The following NIBAN2 variants were observed in gnomAD, a reference collection of about 807,000 sequenced individuals.
NIBAN2 encodes the protein niban apoptosis regulator 2.
Under a neutral mutation model 81.8 loss-of-function variants are expected in NIBAN2, and 36 were observed. The observed-to-expected ratio is 0.44, with a 90% CI of 0.34 to 0.58. The LOEUF (loss-of-function observed/expected upper bound fraction) is 0.58, where lower values mean the gene tolerates loss of function less well. NIBAN2 is among the 20% of genes least tolerant of loss of function. NIBAN2 has a pLI of 0.02. For synonymous variants in NIBAN2, 445 were observed against 441.6 expected (o/e 1.01, Z -0.10); for missense variants, 897 against 1,014.1 (o/e 0.88, Z 1.57).
chr9:127,507,309 A>G lies in NIBAN2; in HGVS notation c.1777T>C (p.Tyr593His), dbSNP rs1415591703. Residue 593 changes from tyrosine (Y) to histidine (H), a missense_variant, in exon 14 of 14, where the codon TAC becomes CAC. Transcript: ENST00000373312. The surrounding 1 kb of genome is among the most constrained non-coding windows in gnomAD (Gnocchi z 6.8). ...EGAPIDWGEE[Y>H]SNSGGGGSPS... The stretch of plus-strand genomic sequence containing the variant: ...CTGCCGCCCCCGCCGCTGTTGCTGT[A>G]CTCCTCGCCCCAGTCGATGGGGGCG... 1 of 1,583,776 alleles carries G rather than the reference A, an allele frequency of 6.3e-7. No homozygotes were observed. The highest frequency in any genetic ancestry group is 1.7e-5 in the Admixed American group (1 of 57,430).
chr9:127,560,664 C>T (rs936770959), intron 1 of NIBAN2, among the ~76,000 whole-genome samples: 3 of 152,172 alleles, frequency 2.0e-5, no homozygotes, highest in Non-Finnish European at 4.4e-5. Context: ...AGGCAGACAC[C>T]ATGTGATTGT....
chr9:127,540,847 A>G (rs1328410251), intron 1 of NIBAN2, among the ~76,000 whole-genome samples: 1 of 152,222 alleles, frequency 6.6e-6, no homozygotes, highest in Non-Finnish European at 1.5e-5. Context: ...CGGTCTCTCC[A>G]GTGGGCTCCA....
Position 127,507,513 on chromosome 9 carries a change from C to T in NIBAN2, c.1655-82G>A, listed in dbSNP as rs534944272. 7 of 1,192,252 alleles carry T rather than the reference C, an allele frequency of 5.9e-6. No individual in the cohort carries two copies. The highest frequency in any genetic ancestry group is 5.9e-5 in the Admixed American group (2 of 33,994). 73.9% of individuals were successfully genotyped at this position (1,192,252 alleles called of 1,614,324 possible). A position where few individuals can be genotyped will look rare whatever the true frequency, so the allele number is the denominator to read the frequency against. ...TGCTGGACTCTGCTCAAAGAAGACC[C>T]GTCTCATCCCGCCTTGGGGGTCTGT... On this transcript the variant is annotated intron_variant, in intron 13 of 13. Transcript: ENST00000373312. This position sits in a 1 kb window ranked among gnomAD's most constrained non-coding sequence, Gnocchi z 6.8.
intron 3 of NIBAN2, among the ~76,000 whole-genome samples, chr9:127,526,272 C>T (rs985292526): frequency 9.2e-5 from 14 of 151,806 alleles, no homozygotes; most frequent in Non-Finnish European, 1.2e-4. Flanking sequence ...TGGTGGTGCA[C>T]GCCTGTAGTC....
intron 5 of NIBAN2, among the ~76,000 whole-genome samples, chr9:127,523,195 ATATATATAT>A (rs1836989248): frequency 8.8e-4 from 4 of 4,564 alleles, no homozygotes; most frequent in African/African-American, 1.9e-3. Context: ...AAAAAAAAAT[ATATATATAT>A]ATATATATAT....
chr9:127,552,281 C>A (rs1319439690), intron 1 of NIBAN2, among the ~76,000 whole-genome samples: 1 of 152,140 alleles, frequency 6.6e-6, no homozygotes, highest in Non-Finnish European at 1.5e-5. Flanking sequence ...TTTACAACAA[C>A]AAAAAATAGA....
chr9:127,530,022 A>G (rs965743973), intron 2 of NIBAN2, among the ~76,000 whole-genome samples: 16 of 152,166 alleles, frequency 1.1e-4, no homozygotes, highest in African/African-American at 3.1e-4. Context: ...GCCAGTGCCC[A>G]CTTGTCTTGG....
chr9:127,574,121 C>T (rs1206511941), intron 1 of NIBAN2, among the ~76,000 whole-genome samples: 1 of 152,244 alleles, frequency 6.6e-6, no homozygotes, highest in African/African-American at 2.4e-5. Context: ...GACGCTGTCT[C>T]TATTCACCAG....
At position 127,507,816 on chromosome 9, in the gene NIBAN2, G is replaced by C; in HGVS notation, c.1654+51C>G. On this transcript the variant is annotated intron_variant, in intron 13 of 13. Coordinates refer to ENST00000373312, the MANE Select transcript of NIBAN2 (RefSeq NM_022833.4). The surrounding 1 kb of genome is among the most constrained non-coding windows in gnomAD (Gnocchi z 6.8). ...CCTCAGCTGCCACCACTTCTCAGCT[G>C]CGCCCCCAGCATCCTCCTGGCAACA... The C allele has an allele frequency of 3.3e-6, 5 of 1,534,772 alleles. No homozygotes were observed. Among genetic ancestry groups the C allele is most frequent in the Non-Finnish European group, 4.5e-6 (5 of 1,108,788 alleles).
chr9:127,529,811 TATC>T (rs1412898460), intron 2 of NIBAN2, among the ~76,000 whole-genome samples: 2 of 152,256 alleles, frequency 1.3e-5, no homozygotes, highest in African/African-American at 2.4e-5. Flanking sequence ...ATTATGATGT[TATC>T]ATAACTTTGC....
chr9:127,546,023 C>T (rs1338501381), intron 1 of NIBAN2, among the ~76,000 whole-genome samples: 3 of 152,140 alleles, frequency 2.0e-5, no homozygotes, highest in Admixed American at 6.5e-5. Context: ...CCCCCAGCAG[C>T]GTCACCACCC....
rs114621071 is a variant in NIBAN2 at position 127,543,118 on chromosome 9, C to T, written c.56-11340G>A. Among the ~76,000 whole-genome samples, 297 of 152,364 alleles carry T rather than the reference C, an allele frequency of 1.9e-3. 1 individual carries two copies. Among genetic ancestry groups the T allele is most frequent in the Admixed American group, 3.9e-3 (59 of 15,308 alleles). ...CGACAATGACAGCCGTGTGACCCTG[C>T]GTGAGCCAGCCCTCAGCTAGGGACT... On this transcript the variant is annotated intron_variant, in intron 1 of 13. Transcript: ENST00000373312.
At chr9:127,543,005 G>A (rs886167075) in intron 1 of NIBAN2, among the ~76,000 whole-genome samples, 3 of 152,190 alleles carry the variant, frequency 2.0e-5, no homozygotes, top group Non-Finnish European at 2.9e-5. Context: ...GGTTACAGGC[G>A]TGAGCCACTG....
chr9:127,527,579 C>T (rs1365075406), intron 2 of NIBAN2, among the ~76,000 whole-genome samples: 4 of 152,190 alleles, frequency 2.6e-5, no homozygotes, highest in Non-Finnish European at 4.4e-5. Flanking sequence ...GGACTTGAAC[C>T]CAGGACAGGC....
chr9:127,521,992 A>G (rs1486008043), intron 5 of NIBAN2, among the ~76,000 whole-genome samples: 1 of 151,938 alleles, frequency 6.6e-6, no homozygotes, highest in Non-Finnish European at 1.5e-5. Context: ...CCCCTTCCCT[A>G]TCTGGCGCAG....
At chr9:127,538,771 C>T (rs1377619845) in intron 1 of NIBAN2, among the ~76,000 whole-genome samples, 2 of 151,466 alleles carry the variant, frequency 1.3e-5, no homozygotes, top group African/African-American at 2.4e-5. Flanking sequence ...ATGGTGAAAC[C>T]CCATCTCTAC....
At chr9:127,518,935 A>T (rs111424222) in intron 5 of NIBAN2, among the ~76,000 whole-genome samples, 3,342 of 152,274 alleles carry the variant, frequency 0.022, 133 homozygotes, top group African/African-American at 0.075. Flanking sequence ...GTACTTTGGG[A>T]GGCTGAGGTG....
chr9:127,569,206 G>T (rs1018411247), upstream of NIBAN2: 4 of 453,104 alleles, frequency 8.8e-6, no homozygotes, highest in East Asian at 2.9e-4. Context: ...GCCCCGCCCC[G>T]CCCCGCCCTC....
At chr9:127,561,526 C>T (rs911623238) in intron 1 of NIBAN2, among the ~76,000 whole-genome samples, 1 of 152,202 alleles carries the variant, frequency 6.6e-6, no homozygotes, top group Non-Finnish European at 1.5e-5. Flanking sequence ...AAGACTCAGA[C>T]AGGTTGACTA....
Sources: gnomAD v4.1 joint callset for allele counts (sites outside exome capture counted in the v4.1 genomes callset) on GRCh38, gnomAD v4.1.1 for gene constraint, Gnocchi (gnomAD v3.1) non-coding constraint, MANE v1.5 for transcripts, NCBI Gene and HGNC (gene_info 2026-07-23, HGNC 2026-07-21) for gene names.